MS4A12: variants seen among roughly 807,000 people sequenced by gnomAD.
The protein encoded by MS4A12 is membrane-spanning 4-domains subfamily A member 12.
Under a neutral mutation model 23.7 loss-of-function variants are expected in MS4A12, and 28 were observed. The observed-to-expected ratio is 1.18, with a 90% CI of 0.88 to 1.62. The LOEUF (loss-of-function observed/expected upper bound fraction) is 1.62. Ranked by LOEUF, MS4A12 falls within the 40% of genes most tolerant of loss-of-function variation. The probability of loss-of-function intolerance (pLI) is 0.00; values close to 1 mark genes in which losing one functional copy is unlikely to be tolerated. For missense variants in MS4A12, 342 were observed against 327.0 expected, an observed-to-expected ratio of 1.05 and a Z score of -0.35; for synonymous variants, 108 against 110.1, an observed-to-expected ratio of 0.98 and a Z score of 0.12.
chr11:60,503,798 G>C lies in MS4A12; in HGVS notation c.569G>C (p.Gly190Ala), dbSNP rs1365154827. 6.2e-7 allele frequency: 1 copy of C among 1,613,572 alleles called. No individual in the cohort carries two copies. Among genetic ancestry groups the C allele is most frequent in the African/African-American group, 1.3e-5 (1 of 74,866 alleles). The change falls in exon 5 of 7, where the codon GGC becomes GCC. Residue 190 changes from glycine (G) to alanine (A), a missense_variant. Transcript: ENST00000016913. Reference protein sequence around the residue: ...LVDMCINGVAGQDYWAVLSGK... With the variant: ...LVDMCINGVAAQDYWAVLSGK... ...GATATGTGCATCAATGGGGTAGCTG[G>C]CCAAGACTACTGGGCCGTGGTAAGT...
At chr11:60,499,555 G>C (rs1380487117) in intron 2 of MS4A12, among the ~76,000 whole-genome samples, 5 of 152,240 alleles carry the variant, frequency 3.3e-5, no homozygotes, top group Non-Finnish European at 7.3e-5. Flanking sequence ...ATAAGCAAAA[G>C]TATGGTATGT....
At chr11:60,492,958 G>A (rs901341878) in intron 1 of MS4A12, 130 bp downstream of exon 1, 1 of 152,014 alleles carries the variant, frequency 6.6e-6, no homozygotes, top group African/African-American at 2.4e-5. Flanking sequence ...TCTATGTTGA[G>A]GCCAGTTGAA....
chr11:60,504,629 A>G (rs1016380446), intron 5 of MS4A12, among the ~76,000 whole-genome samples: 1 of 152,244 alleles, frequency 6.6e-6, no homozygotes, highest in Non-Finnish European at 1.5e-5. Flanking sequence ...AAGACACAGA[A>G]TGACTTCCTT....
At chr11:60,503,600 G>T in intron 4 of MS4A12, 101 bp from the exon 5 acceptor site, 1 of 984,996 alleles carries the variant, frequency 1.0e-6, no homozygotes, top group South Asian at 1.7e-5. Flanking sequence ...AAATTGTTTT[G>T]AAAGTTCAAA....
chr11:60,496,185 G>A (rs993319115), intron 1 of MS4A12, among the ~76,000 whole-genome samples: 1 of 152,136 alleles, frequency 6.6e-6, no homozygotes. Flanking sequence ...ATGTGTCCTT[G>A]TTAGATACCA....
chr11:60,497,439 A>C lies in MS4A12; in HGVS notation c.121A>C (p.Asn41His). 1.2e-6 allele frequency: 2 copies of C among 1,614,214 alleles called. No homozygotes were observed. Among genetic ancestry groups the C allele is most frequent in the Non-Finnish European group, 1.7e-6 (2 of 1,180,038 alleles). Reference sequence around the variant, plus strand: ...GCCTCTGGGTTCAATCAACTTAGAAAACCAAGCTCAGGGTGCTCAGCGTGC... The same window carrying C: ...GCCTCTGGGTTCAATCAACTTAGAACACCAAGCTCAGGGTGCTCAGCGTGC... Reference protein sequence around the residue: ...QQPLGSINLENQAQGAQRAQP... With the variant: ...QQPLGSINLEHQAQGAQRAQP... Residue 41 changes from asparagine to histidine, a missense_variant, in exon 2 of 7, where the codon AAC becomes CAC. Physicochemically the swap from Asn to His is moderately conservative, Grantham distance 68. Coordinates refer to ENST00000016913, the MANE Select transcript of MS4A12 (RefSeq NM_017716.3).
intron 5 of MS4A12, among the ~76,000 whole-genome samples, chr11:60,504,509 TG>T (rs1287177775): frequency 6.6e-6 from 1 of 151,948 alleles, no homozygotes; most frequent in East Asian, 1.9e-4. Flanking sequence ...CACAGAAGAG[TG>T]GTTTTATTGG....
intron 2 of MS4A12, 94 bp downstream of exon 2, chr11:60,497,688 A>T (rs879116114): frequency 1.5e-6 from 2 of 1,350,126 alleles, no homozygotes; most frequent in Non-Finnish European, 2.1e-6. Context: ...AAAAGTTCTG[A>T]ACGTTATTCT....
At chr11:60,503,962 G>T (rs2086551507) in intron 5 of MS4A12, 145 bp downstream of exon 5, 1 of 667,018 alleles carries the variant, frequency 1.5e-6, no homozygotes, top group Non-Finnish European at 2.5e-6. Flanking sequence ...ATGATCTCTA[G>T]GACTATAGAA....
intron 1 of MS4A12, among the ~76,000 whole-genome samples, chr11:60,493,235 G>A (rs1285397884): frequency 6.6e-6 from 1 of 152,062 alleles, no homozygotes; most frequent in Non-Finnish European, 1.5e-5. Context: ...AATTAGCTGG[G>A]CGTAGTGGCA....
chr11:60,495,248 C>T (rs1391387782), intron 1 of MS4A12, among the ~76,000 whole-genome samples: 1 of 151,584 alleles, frequency 6.6e-6, no homozygotes, highest in Non-Finnish European at 1.5e-5. Context: ...GGGATCTGCC[C>T]GCCTCGGCCT....
At chr11:60,500,939 G>T (rs2135231424) in intron 2 of MS4A12, 106 bp from the exon 3 acceptor site, 2 of 1,317,874 alleles carry the variant, frequency 1.5e-6, no homozygotes, top group Non-Finnish European at 2.1e-6. Flanking sequence ...GACAACGATG[G>T]ATCTCAGCAA....
intron 1 of MS4A12, among the ~76,000 whole-genome samples, chr11:60,494,773 A>C (rs1324023848): frequency 6.6e-6 from 1 of 152,200 alleles, no homozygotes; most frequent in African/African-American, 2.4e-5. Flanking sequence ...GATTTCATTA[A>C]GAAACTTGCT....
In MS4A12 at chr11:60,502,112, A is replaced by C. The variant is rs1590862248; in HGVS notation, c.471+73A>C. 3.4e-6 allele frequency: 5 copies of C among 1,461,120 alleles called. No homozygotes were observed. In the East Asian group the frequency reaches 9.1e-5, roughly 27 times the overall value. 90.5% of individuals were successfully genotyped at this position (1,461,120 alleles called of 1,614,324 possible). The stretch of plus-strand genomic sequence containing the variant: ...AACATATTGGGGAGGAAAATTGAAA[A>C]GCTGGATTTGGGAAATGCAAAAGGG... On this transcript the variant is annotated intron_variant, in intron 4 of 6. Coordinates refer to ENST00000016913, the MANE Select transcript of MS4A12 (RefSeq NM_017716.3).
Position 60,507,236 on chromosome 11 carries a change from T to C in MS4A12, c.*112T>C. ...TGATTTCTAGTCTTTAAAAACTGTG[T>C]TTGAGATTTGTTTTTAGGTTGGTCG... On this transcript the variant is annotated 3_prime_UTR_variant, in exon 7 of 7. Transcript: ENST00000016913. 1 of 893,632 alleles carries C rather than the reference T, an allele frequency of 1.1e-6. No homozygotes were observed. 55.4% of individuals were successfully genotyped at this position (893,632 alleles called of 1,614,324 possible).
chr11:60,493,891 C>T (rs1374568953), intron 1 of MS4A12, among the ~76,000 whole-genome samples: 3 of 152,100 alleles, frequency 2.0e-5, no homozygotes, highest in Admixed American at 1.3e-4. Context: ...TCTCTAATTG[C>T]TTTAGTCTTA....
At chr11:60,493,712 G>A (rs941518565) in intron 1 of MS4A12, among the ~76,000 whole-genome samples, 3 of 152,112 alleles carry the variant, frequency 2.0e-5, no homozygotes, top group South Asian at 2.1e-4. Context: ...AAAATGATTC[G>A]GTTTCATGTT....
intron 5 of MS4A12, among the ~76,000 whole-genome samples, chr11:60,505,541 A>G (rs1052869452): frequency 6.6e-6 from 1 of 152,162 alleles, no homozygotes; most frequent in East Asian, 1.9e-4. Context: ...CAGCTTTCAA[A>G]CTGGCATCCA....
In MS4A12 at chr11:60,507,171, T is replaced by C; in HGVS notation, c.*47T>C. On this transcript the variant is annotated 3_prime_UTR_variant, in exon 7 of 7. Coordinates refer to ENST00000016913, the MANE Select transcript of MS4A12 (RefSeq NM_017716.3). ...TCTAATCTCATGGAGAAAAACTACTTGCAAAAACTTCTTAAGAAGATGTCT... is the reference window on the plus strand; with the variant it reads ...TCTAATCTCATGGAGAAAAACTACTCGCAAAAACTTCTTAAGAAGATGTCT... The C allele has an allele frequency of 1.4e-6, 2 of 1,407,676 alleles. No homozygotes were observed. Among genetic ancestry groups the C allele is most frequent in the Non-Finnish European group, 2.0e-6 (2 of 998,474 alleles). 87.2% of individuals were successfully genotyped at this position (1,407,676 alleles called of 1,614,324 possible).
Sources: gnomAD v4.1 joint callset for allele counts (sites outside exome capture counted in the v4.1 genomes callset) on GRCh38, gnomAD v4.1.1 for gene constraint, MANE v1.5 for transcripts, NCBI Gene and HGNC (gene_info 2026-07-23, HGNC 2026-07-21) for gene names.